DAPK2: variants seen among roughly 807,000 people sequenced by gnomAD.
The protein encoded by DAPK2 is death-associated protein kinase 2.
DAPK2 carries 35 observed loss-of-function variants against 44.1 expected under a neutral mutation model. That is an observed-to-expected ratio of 0.79 (90% CI 0.61 to 1.05). The LOEUF (loss-of-function observed/expected upper bound fraction) is 1.05, where lower values mean the gene tolerates loss of function less well. DAPK2 is among the 50% of genes least tolerant of loss of function. The pLI is 0.00. For synonymous variants in DAPK2, 174 were observed against 182.6 expected (o/e 0.95, Z 0.38); for missense variants, 453 against 483.2 (o/e 0.94, Z 0.59).
Position 63,917,051 on chromosome 15 carries a change from G to A in DAPK2, c.859-4854C>T, listed in dbSNP as rs1283740069. 2 of 152,186 alleles carry A rather than the reference G, an allele frequency of 1.3e-5. No individual in the cohort carries two copies. The highest frequency in any genetic ancestry group is 2.4e-5 in the African/African-American group (1 of 41,444). The allele number at this position is 152,186 out of a possible 1,614,324, so 9.4% of individuals were successfully genotyped here. On this transcript the variant is annotated intron_variant, in intron 8 of 10. Transcript: ENST00000261891. This position sits in a 1 kb window ranked among gnomAD's most constrained non-coding sequence, Gnocchi z 4.4. ...TGCTGATTTTGTCAAGTGTGATAATGGCATGGGGTTGTATTAAAAAGAAAG... is the reference window on the plus strand; with the variant it reads ...TGCTGATTTTGTCAAGTGTGATAATAGCATGGGGTTGTATTAAAAAGAAAG...
intron 8 of DAPK2, among the ~76,000 whole-genome samples, chr15:63,913,493 TC>T (rs1445605122): frequency 6.6e-6 from 1 of 152,118 alleles, no homozygotes; most frequent in Non-Finnish European, 1.5e-5. Context: ...ATTCCAAAGG[TC>T]CCGGGCAGCT....
At chr15:64,032,498 C>T (rs973736985) in intron 1 of DAPK2, among the ~76,000 whole-genome samples, 1 of 152,200 alleles carries the variant, frequency 6.6e-6, no homozygotes, top group Non-Finnish European at 1.5e-5. Flanking sequence ...TCATCTCATA[C>T]GGCCATTAGT....
chr15:64,029,828 TGGA>T lies in DAPK2; in HGVS notation c.92+10339_92+10341del, dbSNP rs2079960505. The T allele has an allele frequency of 2.6e-5, 4 of 152,400 alleles. 1 individual carries two copies. The South Asian group carries it at 6.2e-4, about 24-fold the overall frequency. 9.4% of individuals were successfully genotyped at this position (152,400 alleles called of 1,614,324 possible). A position where few individuals can be genotyped will look rare whatever the true frequency, so the allele number is the denominator to read the frequency against. ...CAGCTTGTCTAGGGTGCTGCTGTGGTGGAGGAGGCTTTCTTGCTTTTAACCAAG... is the reference window on the plus strand; with the variant it reads ...CAGCTTGTCTAGGGTGCTGCTGTGGTGGAGGCTTTCTTGCTTTTAACCAAG... On this transcript the variant is annotated intron_variant, in intron 1 of 10. Transcript: ENST00000261891.
rs1314900732 is a variant in DAPK2 at position 63,923,008 on chromosome 15, C to T, written c.858+1808G>A. On this transcript the variant is annotated intron_variant, in intron 8 of 10. Transcript: ENST00000261891. The surrounding 1 kb of genome is among the most constrained non-coding windows in gnomAD (Gnocchi z 4.2). ...GGATGTCTTCTCGCAGCAGCTTCTT[C>T]AATGACTCCACCTTGCGGAACTCAT... 6.5e-7 allele frequency: 1 copy of T among 1,535,786 alleles called. No individual in the cohort carries two copies. The highest frequency in any genetic ancestry group is 8.7e-7 in the Non-Finnish European group (1 of 1,146,750).
chr15:63,930,174 T>C lies in DAPK2; in HGVS notation c.632+233A>G, dbSNP rs140653886. 7.5e-4 allele frequency among the ~76,000 whole-genome samples: 115 copies of C among 152,324 alleles called. 2 individuals are homozygous for C. The East Asian group carries it at 0.017, about 22-fold the overall frequency. ...CCTTGCCTCTCCTCTTGCTCCTCCA[T>C]TCCTGACAAAGCTCTGACCTGGCCA... On this transcript the variant is annotated intron_variant, in intron 5 of 10. Coordinates refer to ENST00000261891, the Ensembl canonical transcript of DAPK2.
chr15:63,986,581 C>G (rs946148694), intron 1 of DAPK2, among the ~76,000 whole-genome samples: 12 of 152,128 alleles, frequency 7.9e-5, no homozygotes, highest in Non-Finnish European at 1.5e-4. Context: ...GCCTGCCACA[C>G]CACCCAGCTT....
At chr15:63,975,101 G>T (rs986279494) in intron 2 of DAPK2, among the ~76,000 whole-genome samples, 1 of 152,102 alleles carries the variant, frequency 6.6e-6, no homozygotes, top group African/African-American at 2.4e-5. Flanking sequence ...TTTAATTTTT[G>T]GTTTACAATC....
intron 1 of DAPK2, among the ~76,000 whole-genome samples, chr15:64,045,484 C>T (rs750195197): frequency 3.9e-5 from 6 of 152,292 alleles, no homozygotes; most frequent in Middle Eastern, 3.4e-3. Context: ...AGATGTCAGG[C>T]GCTGTCCCTG....
Position 64,045,485 on chromosome 15 carries a change from G to T in DAPK2, c.-7+813C>A, listed in dbSNP as rs984502562. Among the ~76,000 whole-genome samples, 4 of 152,246 alleles carry T rather than the reference G, an allele frequency of 2.6e-5. No individual in the cohort carries two copies. In the South Asian group the frequency reaches 8.3e-4, roughly 32 times the overall value. ...GATTCCAGGATACAAGATGTCAGGC[G>T]CTGTCCCTGCACCTGCCCGCTTGCC... On this transcript the variant is annotated intron_variant, in intron 1 of 11. Coordinates refer to the DAPK2 transcript ENST00000457488.
rs140618046 is a variant in DAPK2 at position 64,033,786 on chromosome 15, T to C, written c.92+6384A>G. The stretch of plus-strand genomic sequence containing the variant: ...AGGTGGGTGTGGTGGCGGGCGCTTA[T>C]AGTCCCAGCTACTCTGGAGGCTGAG... On this transcript the variant is annotated intron_variant, in intron 1 of 10. Transcript: ENST00000261891. Among the ~76,000 whole-genome samples the C allele has an allele frequency of 3.1e-3, 472 of 152,162 alleles. 4 individuals carry two copies. The highest frequency in any genetic ancestry group is 0.011 in the African/African-American group (438 of 41,528).
chr15:63,955,509 A>G (rs2077699032), intron 3 of DAPK2, among the ~76,000 whole-genome samples: 1 of 152,146 alleles, frequency 6.6e-6, no homozygotes, highest in African/African-American at 2.4e-5. Flanking sequence ...CGACTTTGGA[A>G]GTATTCCCCC....
At chr15:63,924,763 T>C (rs551179724) in intron 8 of DAPK2, 53 bp downstream of exon 9, 9 of 1,606,778 alleles carry the variant, frequency 5.6e-6, no homozygotes, top group Non-Finnish European at 7.7e-6. Flanking sequence ...AGGCCAACCC[T>C]GGCGACAGAG....
chr15:63,998,270 G>T (rs950818940), intron 1 of DAPK2, among the ~76,000 whole-genome samples: 2 of 152,160 alleles, frequency 1.3e-5, no homozygotes, highest in African/African-American at 2.4e-5. Context: ...CGTCCTCAGG[G>T]AAACAGGCCC....
chr15:64,012,589 A>T lies in DAPK2; in HGVS notation c.92+27581T>A, dbSNP rs116853005. The stretch of plus-strand genomic sequence containing the variant: ...GTCTATGCAGCTTTTAAAAAGATAC[A>T]CATACCTGATCTGGGAAAATACACA... On this transcript the variant is annotated intron_variant, in intron 1 of 10. Transcript: ENST00000261891. 2.0e-4 allele frequency among the ~76,000 whole-genome samples: 31 copies of T among 152,360 alleles called. No individual in the cohort carries two copies. The East Asian group carries it at 5.6e-3, about 27-fold the overall frequency.
At chr15:63,976,401 A>C (rs2078348035) in intron 2 of DAPK2, among the ~76,000 whole-genome samples, 1 of 152,228 alleles carries the variant, frequency 6.6e-6, no homozygotes, top group Non-Finnish European at 1.5e-5. Flanking sequence ...ATTTCACTTT[A>C]ACCGTTGCAT....
upstream of DAPK2, among the ~76,000 whole-genome samples, chr15:64,040,502 C>T (rs531472691): frequency 6.6e-6 from 1 of 152,124 alleles, no homozygotes; most frequent in African/African-American, 2.4e-5. Context: ...AAGGAGAGCT[C>T]CTCAGGTCTT....
In DAPK2 at chr15:63,980,799, C is replaced by T. The variant is rs538746168; in HGVS notation, c.314+2734G>A. Among the ~76,000 whole-genome samples the T allele has an allele frequency of 2.9e-3, 42 of 14,270 alleles. No individual in the cohort carries two copies. The highest frequency in any genetic ancestry group is 3.6e-3 in the African/African-American group (41 of 11,334). The allele number at this position is 14,270 out of a possible 152,430, so 9.4% of individuals were successfully genotyped here. On this transcript the variant is annotated intron_variant, in intron 2 of 10. Coordinates refer to ENST00000261891, the Ensembl canonical transcript of DAPK2. The surrounding 1 kb of genome is among the most constrained non-coding windows in gnomAD (Gnocchi z 4.3). Reference sequence around the variant, plus strand: ...GTATTAGGCAGTGGGACCTTTAAGACGTGATTGGGTCGGGGTGCGGTGGCT... The same window carrying T: ...GTATTAGGCAGTGGGACCTTTAAGATGTGATTGGGTCGGGGTGCGGTGGCT...
At chr15:63,942,135 T>C (rs894660) in intron 3 of DAPK2, 479,944 of 836,958 alleles carry the variant, frequency 0.57, 139,301 homozygotes, top group East Asian at 0.94. Flanking sequence ...TATGGAGCAG[T>C]AGGGATGAGG....
chr15:64,036,726 T>C (rs1175741726), intron 1 of DAPK2, among the ~76,000 whole-genome samples: 1 of 151,408 alleles, frequency 6.6e-6, no homozygotes, highest in Non-Finnish European at 1.5e-5. Flanking sequence ...CTAAAATCAA[T>C]GAGAGGGCCC....
Sources: gnomAD v4.1 joint callset for allele counts (sites outside exome capture counted in the v4.1 genomes callset) on GRCh38, gnomAD v4.1.1 for gene constraint, Gnocchi (gnomAD v3.1) non-coding constraint, MANE v1.5 for transcripts, NCBI Gene and HGNC (gene_info 2026-07-23, HGNC 2026-07-21) for gene names.